SNCB: variants seen among roughly 807,000 people sequenced by gnomAD.
SNCB encodes the protein beta-synuclein.
A neutral mutation model predicts 20.0 loss-of-function variants in SNCB; 8 were observed. The ratio of observed to expected loss-of-function variants is 0.40; its 90% CI spans 0.24 to 0.72. The LOEUF (loss-of-function observed/expected upper bound fraction) is 0.72, where lower values mean the gene tolerates loss of function less well. Among genes scored for constraint, SNCB ranks in the 30% least tolerant of loss-of-function variants. SNCB has a pLI of 0.37. For synonymous variants in SNCB, 56 were observed against 65.4 expected (o/e 0.86, Z 0.69); for missense variants, 125 against 168.0 (o/e 0.74, Z 1.41).
At position 176,620,916 on chromosome 5, in the gene SNCB, C is replaced by G. The variant is rs1759544606; in HGVS notation, c.373-73G>C. 7.3e-7 allele frequency: 1 copy of G among 1,365,980 alleles called. No homozygotes were observed. Among genetic ancestry groups the G allele is most frequent in the East Asian group, 2.3e-5 (1 of 43,884 alleles). 84.6% of individuals were successfully genotyped at this position (1,365,980 alleles called of 1,614,324 possible). On this transcript the variant is annotated intron_variant, in intron 5 of 5. Coordinates refer to ENST00000393693, the MANE Select transcript of SNCB (RefSeq NM_003085.5). The surrounding 1 kb of genome is among the most constrained non-coding windows in gnomAD (Gnocchi z 4.5). ...GGAGTTTGAGACCAAGTGGCCAAGC[C>G]CCGGCCCAAGAACCCTCTCCCTGAA...
chr5:176,620,580 G>A lies in SNCB; in HGVS notation c.*231C>T, dbSNP rs1022997074. 8.0e-5 allele frequency: 48 copies of A among 598,156 alleles called. No homozygotes were observed. The highest frequency in any genetic ancestry group is 1.2e-5 in the Non-Finnish European group (4 of 335,474). 37.1% of individuals were successfully genotyped at this position (598,156 alleles called of 1,614,324 possible). ...TGGGAGGAGGCAACACTGGAGGGGC[G>A]AGGCTCCCAGCCGCGACCGCAACCC... is the stretch of plus-strand genomic sequence containing the variant. On this transcript the variant is annotated 3_prime_UTR_variant, in exon 6 of 6. Transcript: ENST00000393693. The surrounding 1 kb of genome is among the most constrained non-coding windows in gnomAD (Gnocchi z 4.5).
Position 176,629,598 on chromosome 5 carries a change from C to A in SNCB, c.57G>T (p.Ala19=), listed in dbSNP as rs751195031. ...CGGTGACCCCCTGCTTGGTTTTCTC[C>A]GCGGCTGCCACAACGCCCTCCTTGG... is the stretch of plus-strand genomic sequence containing the variant. ...SMAKEGVVAA[A]EKTKQGVTEA... Residue 19 remains alanine, a synonymous_variant, in exon 2 of 6, where the codon GCG becomes GCT. Transcript: ENST00000393693. This position sits in a 1 kb window ranked among gnomAD's most constrained non-coding sequence, Gnocchi z 4.1. 4 of 1,613,526 alleles carry A rather than the reference C, an allele frequency of 2.5e-6. No homozygotes were observed.
At position 176,626,931 on chromosome 5, in the gene SNCB, G is replaced by A. The variant is rs1581173710; in HGVS notation, c.122-170C>T. Among the ~76,000 whole-genome samples, 1 of 151,974 alleles carries A rather than the reference G, an allele frequency of 6.6e-6. No homozygotes were observed. Among genetic ancestry groups the A allele is most frequent in the African/African-American group, 2.4e-5 (1 of 41,366 alleles). Reference sequence around the variant, plus strand: ...TAACCCCCGTCTTATCACTGCACTGGGCCCCACACCTCTGTCTGCAAGGGT... The same window carrying A: ...TAACCCCCGTCTTATCACTGCACTGAGCCCCACACCTCTGTCTGCAAGGGT... On this transcript the variant is annotated intron_variant, in intron 2 of 5. Transcript: ENST00000393693. The surrounding 1 kb of genome is among the most constrained non-coding windows in gnomAD (Gnocchi z 4.2).
At position 176,626,970 on chromosome 5, in the gene SNCB, C is replaced by T. The variant is rs1222248469; in HGVS notation, c.122-209G>A. Among the ~76,000 whole-genome samples the T allele has an allele frequency of 6.6e-6, 1 of 152,210 alleles. No individual in the cohort carries two copies. The highest frequency in any genetic ancestry group is 1.5e-5 in the Non-Finnish European group (1 of 68,028). ...GTCTGCAAGGGTTGCAGTTCTCTCC[C>T]ACCTGATGCGATACCCCACCCCTCT... On this transcript the variant is annotated intron_variant, in intron 2 of 5. Transcript: ENST00000393693. This position sits in a 1 kb window ranked among gnomAD's most constrained non-coding sequence, Gnocchi z 4.2.
At position 176,626,833 on chromosome 5, in the gene SNCB, AT is replaced by A; in HGVS notation, c.122-73del. 1 of 1,541,734 alleles carries A rather than the reference AT, an allele frequency of 6.5e-7. No homozygotes were observed. The highest frequency in any genetic ancestry group is 9.0e-7 in the Non-Finnish European group (1 of 1,114,394). ...ACAGAAACTCCAGCACAGCATGGTG[AT>A]TACAGAGTGGGCATCCTGGCCCCGT... On this transcript the variant is annotated intron_variant, in intron 2 of 5. Transcript: ENST00000393693. This position sits in a 1 kb window ranked among gnomAD's most constrained non-coding sequence, Gnocchi z 4.2.
Position 176,626,365 on chromosome 5 carries a change from T to C in SNCB, c.282+33A>G. 1 of 1,223,244 alleles carries C rather than the reference T, an allele frequency of 8.2e-7. No individual in the cohort carries two copies. The highest frequency in any genetic ancestry group is 1.2e-6 in the Non-Finnish European group (1 of 826,294). 75.8% of individuals were successfully genotyped at this position (1,223,244 alleles called of 1,614,324 possible). ...GTGTGTGTGTGTGTGTGTGTGTGTT[T>C]GCCTGCATGTGCGGGTCAGAAGGAT... On this transcript the variant is annotated intron_variant, in intron 4 of 5. Transcript: ENST00000393693. The surrounding 1 kb of genome is among the most constrained non-coding windows in gnomAD (Gnocchi z 4.2).
chr5:176,625,291 C>T (rs1446206145), intron 4 of SNCB, among the ~76,000 whole-genome samples: 2 of 152,190 alleles, frequency 1.3e-5, no homozygotes, highest in East Asian at 3.8e-4. Context: ...ATCAACCTCA[C>T]CCGGGTACTT....
At position 176,626,595 on chromosome 5, in the gene SNCB, G is replaced by T. The variant is rs1759962452; in HGVS notation, c.164-79C>A. On this transcript the variant is annotated intron_variant, in intron 3 of 5. Coordinates refer to ENST00000393693, the MANE Select transcript of SNCB (RefSeq NM_003085.5). The surrounding 1 kb of genome is among the most constrained non-coding windows in gnomAD (Gnocchi z 4.2). The stretch of plus-strand genomic sequence containing the variant: ...ATGCCCTGCCTTGTAGTATCCCAGG[G>T]CCTGCCCTCCCCACGGAGCATTCCC... The T allele has an allele frequency of 6.6e-7, 1 of 1,505,886 alleles. No individual in the cohort carries two copies. The highest frequency in any genetic ancestry group is 9.2e-7 in the Non-Finnish European group (1 of 1,081,564). The allele number at this position is 1,505,886 out of a possible 1,614,324, so 93.3% of individuals were successfully genotyped here.
At position 176,629,891 on chromosome 5, in the gene SNCB, C is replaced by T. The variant is rs550474968; in HGVS notation, c.-9-228G>A. On this transcript the variant is annotated intron_variant, in intron 1 of 5. Coordinates refer to ENST00000393693, the MANE Select transcript of SNCB (RefSeq NM_003085.5). This position sits in a 1 kb window ranked among gnomAD's most constrained non-coding sequence, Gnocchi z 4.1. ...GGGGACGCGGGAGGGGCCACTGCCTCGGTTATCCGGGCCCTGCAAACTGCA... is the reference window on the plus strand; with the variant it reads ...GGGGACGCGGGAGGGGCCACTGCCTTGGTTATCCGGGCCCTGCAAACTGCA... 9.4e-6 allele frequency: 5 copies of T among 530,234 alleles called. No individual in the cohort carries two copies. The highest frequency in any genetic ancestry group is 7.7e-5 in the African/African-American group (4 of 52,144). The allele number at this position is 530,234 out of a possible 1,614,324, so 32.8% of individuals were successfully genotyped here.
At chr5:176,624,213 C>T (rs1759787450) in intron 4 of SNCB, among the ~76,000 whole-genome samples, 1 of 152,278 alleles carries the variant, frequency 6.6e-6, no homozygotes, top group Admixed American at 6.5e-5. Context: ...TCTTTTGCAC[C>T]CCAGCTCGCA....
intron 4 of SNCB, among the ~76,000 whole-genome samples, chr5:176,624,105 A>G (rs962961285): frequency 6.6e-6 from 1 of 152,158 alleles, no homozygotes; most frequent in Admixed American, 6.5e-5. Flanking sequence ...GGTAGCCTTG[A>G]GGCGTCAACA....
Position 176,621,492 on chromosome 5 carries a change from C to T in SNCB, c.283-189G>A, listed in dbSNP as rs765898974. Among the ~76,000 whole-genome samples the T allele has an allele frequency of 1.3e-5, 2 of 152,200 alleles. No individual in the cohort carries two copies. Among genetic ancestry groups the T allele is most frequent in the Admixed American group, 6.5e-5 (1 of 15,292 alleles). Reference sequence around the variant, plus strand: ...ATGGAGGTGAAGGGGGAAATTCCCCCGAATCACAGTTGAAGTGGCAGCATG... The same window carrying T: ...ATGGAGGTGAAGGGGGAAATTCCCCTGAATCACAGTTGAAGTGGCAGCATG... On this transcript the variant is annotated intron_variant, in intron 4 of 5. Transcript: ENST00000393693. This position sits in a 1 kb window ranked among gnomAD's most constrained non-coding sequence, Gnocchi z 4.1.
chr5:176,626,941 CTCTG>C lies in SNCB; in HGVS notation c.122-184_122-181del, dbSNP rs1759999086. Reference sequence around the variant, plus strand: ...CTTATCACTGCACTGGGCCCCACACCTCTGTCTGCAAGGGTTGCAGTTCTCTCCC... The same window carrying C: ...CTTATCACTGCACTGGGCCCCACACCTCTGCAAGGGTTGCAGTTCTCTCCC... On this transcript the variant is annotated intron_variant, in intron 2 of 5. Coordinates refer to ENST00000393693, the MANE Select transcript of SNCB (RefSeq NM_003085.5). The surrounding 1 kb of genome is among the most constrained non-coding windows in gnomAD (Gnocchi z 4.2). Among the ~76,000 whole-genome samples, 3 of 152,304 alleles carry C rather than the reference CTCTG, an allele frequency of 2.0e-5. No individual in the cohort carries two copies. The highest frequency in any genetic ancestry group is 7.2e-5 in the African/African-American group (3 of 41,546).
In SNCB at chr5:176,626,335, GGTGTGTGTGTGT is replaced by G. The variant is rs5873543; in HGVS notation, c.282+51_282+62del. ...TGGTGACAGGTTTATTTGTGTGCCT[GGTGTGTGTGTGT>G]GTGTGTGTGTGTGTGTTTGCCTGCA... On this transcript the variant is annotated intron_variant, in intron 4 of 5. Coordinates refer to ENST00000393693, the MANE Select transcript of SNCB (RefSeq NM_003085.5). The surrounding 1 kb of genome is among the most constrained non-coding windows in gnomAD (Gnocchi z 4.2). 4.4e-4 allele frequency: 384 copies of G among 864,318 alleles called. 2 individuals carry two copies. The highest frequency in any genetic ancestry group is 4.1e-3 in the South Asian group (306 of 75,382). The allele number at this position is 864,318 out of a possible 1,614,324, so 53.5% of individuals were successfully genotyped here.
rs1253679206 is a variant in SNCB at position 176,621,142 on chromosome 5, C to A, written c.372+72G>T. ...CCCAACCATCTCATGCCAGGGATGT[C>A]CCACCCCAGCTAGGGACGGCAGCAA... is the stretch of plus-strand genomic sequence containing the variant. On this transcript the variant is annotated intron_variant, in intron 5 of 5. Transcript: ENST00000393693. This position sits in a 1 kb window ranked among gnomAD's most constrained non-coding sequence, Gnocchi z 4.1. 1.4e-5 allele frequency: 17 copies of A among 1,235,886 alleles called. No individual in the cohort carries two copies. Among genetic ancestry groups the A allele is most frequent in the Non-Finnish European group, 1.9e-5 (16 of 855,994 alleles). 76.6% of individuals were successfully genotyped at this position (1,235,886 alleles called of 1,614,324 possible).
rs771426940 is a variant in SNCB at position 176,626,750 on chromosome 5, G to C, written c.133C>G (p.Arg45Gly). Reference protein sequence around the residue: ...EGVLYVGSKTREGVVQGVASV... With the variant: ...EGVLYVGSKTGEGVVQGVASV... ...GCCACACCTTGTACCACACCTTCTC[G>C]GGTCTTGCTTCCTGCAGGGAGAAAA... The change falls in exon 3 of 6, where the codon CGA becomes GGA. Residue 45 changes from arginine (R) to glycine (G), a missense_variant. Coordinates refer to ENST00000393693, the MANE Select transcript of SNCB (RefSeq NM_003085.5). The surrounding 1 kb of genome is among the most constrained non-coding windows in gnomAD (Gnocchi z 4.2). 19 of 1,614,064 alleles carry C rather than the reference G, an allele frequency of 1.2e-5. No individual in the cohort carries two copies. The highest frequency in any genetic ancestry group is 4.5e-5 in the East Asian group (2 of 44,866).
Position 176,626,320 on chromosome 5 carries a change from T to G in SNCB, c.282+78A>C. The stretch of plus-strand genomic sequence containing the variant: ...TTAGGGGGGCGGGGATGGTGACAGG[T>G]TTATTTGTGTGCCTGGTGTGTGTGT... On this transcript the variant is annotated intron_variant, in intron 4 of 5. Transcript: ENST00000393693. The surrounding 1 kb of genome is among the most constrained non-coding windows in gnomAD (Gnocchi z 4.2). The G allele has an allele frequency of 1.9e-6, 2 of 1,030,788 alleles. No homozygotes were observed. Among genetic ancestry groups the G allele is most frequent in the Non-Finnish European group, 1.5e-6 (1 of 669,698 alleles). The allele number at this position is 1,030,788 out of a possible 1,614,324, so 63.9% of individuals were successfully genotyped here.
At chr5:176,625,200 A>G (rs918093017) in intron 4 of SNCB, among the ~76,000 whole-genome samples, 11 of 152,210 alleles carry the variant, frequency 7.2e-5, no homozygotes, top group African/African-American at 1.4e-4. Flanking sequence ...TGTGGCCACA[A>G]TCTCTTGCAG....
rs1223317465 is a variant in SNCB, at chr5:176,620,622, C to T, written c.*189G>A. ...CCGCAACCCTGGCCCTGTCCATGCC[C>T]CGGGGTTGGACGCGGGCGGGTAGGA... On this transcript the variant is annotated 3_prime_UTR_variant, in exon 6 of 6. Coordinates refer to ENST00000393693, the MANE Select transcript of SNCB (RefSeq NM_003085.5). This position sits in a 1 kb window ranked among gnomAD's most constrained non-coding sequence, Gnocchi z 4.5. 3 of 622,566 alleles carry T rather than the reference C, an allele frequency of 4.8e-6. No homozygotes were observed. The highest frequency in any genetic ancestry group is 1.9e-5 in the South Asian group (1 of 53,186). 38.6% of individuals were successfully genotyped at this position (622,566 alleles called of 1,614,324 possible).
Sources: gnomAD v4.1 joint callset for allele counts (sites outside exome capture counted in the v4.1 genomes callset) on GRCh38, gnomAD v4.1.1 for gene constraint, Gnocchi (gnomAD v3.1) non-coding constraint, MANE v1.5 for transcripts, NCBI Gene and HGNC (gene_info 2026-07-23, HGNC 2026-07-21) for gene names.